R3HCC1L: variants seen among roughly 807,000 people sequenced by gnomAD.
R3HCC1L encodes coiled-coil domain-containing protein R3HCC1L.
R3HCC1L carries 51 observed loss-of-function variants against 59.9 expected under a neutral mutation model. The observed-to-expected ratio is 0.85, with a 90% CI of 0.68 to 1.07. R3HCC1L has a LOEUF of 1.07. Ranked by LOEUF, R3HCC1L falls within the 50% of genes least tolerant of loss-of-function variation. R3HCC1L has a pLI of 0.00. For missense variants in R3HCC1L, 965 were observed against 933.0 expected (o/e 1.03, Z -0.45); for synonymous variants, 322 against 315.2 (o/e 1.02, Z -0.23).
At chr10:98,155,679 C>G (rs1846781783) in intron 1 of R3HCC1L, among the ~76,000 whole-genome samples, 1 of 152,030 alleles carries the variant, frequency 6.6e-6, no homozygotes. Context: ...CCACCACTCC[C>G]CACTCTCTCT....
At chr10:98,223,997 T>TG (rs1855368988) in intron 5 of R3HCC1L, among the ~76,000 whole-genome samples, 1 of 151,928 alleles carries the variant, frequency 6.6e-6, no homozygotes, top group Admixed American at 6.6e-5. Flanking sequence ...ATTACGCAGG[T>TG]GGGGGGTTGT....
chr10:98,190,848 A>G (rs1452630487), intron 4 of R3HCC1L, among the ~76,000 whole-genome samples: 2 of 112,852 alleles, frequency 1.8e-5, no homozygotes, highest in Non-Finnish European at 3.3e-5. Flanking sequence ...GTTCACTGCC[A>G]TGTGTCCAAG....
At chr10:98,143,613 G>T (rs796147171) in intron 1 of R3HCC1L, among the ~76,000 whole-genome samples, 2 of 152,276 alleles carry the variant, frequency 1.3e-5, no homozygotes, top group African/African-American at 4.8e-5. Flanking sequence ...CAAAAATTAG[G>T]ATAAGATCTT....
chr10:98,211,503 T>C (rs1217940780), intron 5 of R3HCC1L, among the ~76,000 whole-genome samples: 1 of 152,138 alleles, frequency 6.6e-6, no homozygotes, highest in Non-Finnish European at 1.5e-5. Context: ...AGAGATGTTA[T>C]TAAGAACTAA....
chr10:98,219,400 A>C (rs1172065425), intron 5 of R3HCC1L, among the ~76,000 whole-genome samples: 1 of 152,130 alleles, frequency 6.6e-6, no homozygotes, highest in Non-Finnish European at 1.5e-5. Context: ...TGTTCAGCCA[A>C]ATTATATCTT....
intron 1 of R3HCC1L, among the ~76,000 whole-genome samples, chr10:98,145,201 T>A (rs17109023): frequency 7.9e-5 from 12 of 152,214 alleles, no homozygotes; most frequent in Non-Finnish European, 1.6e-4. Flanking sequence ...GTATGTTTGA[T>A]AAGCTCAAGT....
intron 1 of R3HCC1L, among the ~76,000 whole-genome samples, chr10:98,142,657 G>A (rs561788761): frequency 1.3e-3 from 199 of 150,470 alleles, no homozygotes; most frequent in Non-Finnish European, 2.4e-3. Flanking sequence ...AAAGTAGGCC[G>A]GGTACGGTGG....
At position 98,209,571 on chromosome 10, in the gene R3HCC1L, T is replaced by C. The variant is rs200789402; in HGVS notation, c.1457T>C (p.Phe486Ser). 2 of 1,614,000 alleles carry C rather than the reference T, an allele frequency of 1.2e-6. No homozygotes were observed. The highest frequency in any genetic ancestry group is 1.3e-5 in the African/African-American group (1 of 75,034). Reference protein sequence around the residue: ...KKIAGSNYNTFLDSELSMLNG... With the variant: ...KKIAGSNYNTSLDSELSMLNG... Reference sequence around the variant, plus strand: ...ATTGCTGGTAGTAATTATAACACTTTTTTGGACTCTGAACTCAGTATGTTA... The same window carrying C: ...ATTGCTGGTAGTAATTATAACACTTCTTTGGACTCTGAACTCAGTATGTTA... The change falls in exon 5 of 10, where the codon TTT becomes TCT. Residue 486 changes from phenylalanine to serine, a missense_variant. Physicochemically the swap from Phe to Ser is radical, Grantham distance 155 (BLOSUM62 -2). Coordinates refer to ENST00000298999, the MANE Select transcript of R3HCC1L (RefSeq NM_001351015.2).
intron 9 of R3HCC1L, among the ~76,000 whole-genome samples, chr10:98,239,815 A>G (rs1725160589): frequency 6.6e-6 from 1 of 152,090 alleles, no homozygotes; most frequent in African/African-American, 2.4e-5. Flanking sequence ...CTTCCACCTC[A>G]GCCTCCTGAG....
chr10:98,214,831 ATT>A (rs1853982708), intron 5 of R3HCC1L, among the ~76,000 whole-genome samples: 1 of 152,252 alleles, frequency 6.6e-6, no homozygotes, highest in African/African-American at 2.4e-5. Context: ...GAATGTTAGC[ATT>A]TAAAATCATT....
At chr10:98,138,082 A>C (rs1044492532) in intron 1 of R3HCC1L, among the ~76,000 whole-genome samples, 9 of 152,172 alleles carry the variant, frequency 5.9e-5, no homozygotes, top group African/African-American at 2.2e-4. Context: ...TTATAGAGAA[A>C]AATGGTTTGT....
chr10:98,179,149 A>C (rs895460092), intron 4 of R3HCC1L, among the ~76,000 whole-genome samples: 1 of 152,222 alleles, frequency 6.6e-6, no homozygotes, highest in Non-Finnish European at 1.5e-5. Flanking sequence ...CCAGTTTTCA[A>C]AGGGAATGCT....
chr10:98,148,101 T>C (rs1176376150), intron 1 of R3HCC1L, among the ~76,000 whole-genome samples: 5 of 152,150 alleles, frequency 3.3e-5, no homozygotes, highest in Non-Finnish European at 7.4e-5. Context: ...TGTTTTATAA[T>C]GTTCCTTGTA....
chr10:98,230,732 C>T (rs191088071), intron 5 of R3HCC1L, among the ~76,000 whole-genome samples: 1 of 152,300 alleles, frequency 6.6e-6, no homozygotes, highest in Non-Finnish European at 1.5e-5. Flanking sequence ...AAATTTCCCT[C>T]TACGCAAACA....
intron 1 of R3HCC1L, among the ~76,000 whole-genome samples, chr10:98,135,348 G>A (rs893225313): frequency 6.6e-6 from 1 of 152,208 alleles, no homozygotes; most frequent in Non-Finnish European, 1.5e-5. Context: ...CTGGACCTGT[G>A]ATCTTTTGTA....
chr10:98,160,351 A>G (rs1476784569), intron 2 of R3HCC1L, among the ~76,000 whole-genome samples: 2 of 152,242 alleles, frequency 1.3e-5, no homozygotes, highest in East Asian at 1.9e-4. Context: ...AAAACTTACT[A>G]CAAAATAAAT....
chr10:98,198,393 C>CT (rs1248456758), intron 4 of R3HCC1L, among the ~76,000 whole-genome samples: 1 of 152,004 alleles, frequency 6.6e-6, no homozygotes, highest in Non-Finnish European at 1.5e-5. Flanking sequence ...TAGGACATCT[C>CT]TTAGTTTTGC....
At chr10:98,153,685 A>G (rs1053178383) in intron 1 of R3HCC1L, among the ~76,000 whole-genome samples, 12 of 151,978 alleles carry the variant, frequency 7.9e-5, no homozygotes, top group Non-Finnish European at 1.2e-4. Context: ...TGATCATAAG[A>G]CAGACAGAAT....
At chr10:98,150,278 G>A (rs1358639355) in intron 1 of R3HCC1L, among the ~76,000 whole-genome samples, 1 of 152,166 alleles carries the variant, frequency 6.6e-6, no homozygotes, top group Non-Finnish European at 1.5e-5. Flanking sequence ...CCAAATTGCT[G>A]TCTTGCTAGG....
Sources: gnomAD v4.1 joint callset for allele counts (sites outside exome capture counted in the v4.1 genomes callset) on GRCh38, gnomAD v4.1.1 for gene constraint, MANE v1.5 for transcripts, NCBI Gene and HGNC (gene_info 2026-07-23, HGNC 2026-07-21) for gene names.